Variants in GRIK3 observed in about 807,000 individuals in gnomAD.
GRIK3 encodes glutamate ionotropic receptor kainate type subunit 3, also known as glutamate receptor ionotropic, kainate 3.
A neutral mutation model predicts 102.5 loss-of-function variants in GRIK3; 29 were observed. The ratio of observed to expected loss-of-function variants is 0.28; its 90% CI spans 0.21 to 0.39. GRIK3 has a LOEUF of 0.39. Ranked by LOEUF, GRIK3 falls within the 10% of genes least tolerant of loss-of-function variation. The pLI is 1.00. For missense variants in GRIK3, 908 were observed against 1,252.4 expected, an observed-to-expected ratio of 0.73 and a Z score of 4.15; for synonymous variants, 511 against 504.9, an observed-to-expected ratio of 1.01 and a Z score of -0.16.
At chr1:37,015,612 C>T (rs949152752) in intron 1 of GRIK3, among the ~76,000 whole-genome samples, 2 of 152,154 alleles carry the variant, frequency 1.3e-5, no homozygotes, top group Non-Finnish European at 2.9e-5. Context: ...ACACTCTTGC[C>T]ACAGGGGCCC....
chr1:37,004,742 G>A (rs1642513596), intron 1 of GRIK3, among the ~76,000 whole-genome samples: 1 of 152,232 alleles, frequency 6.6e-6, no homozygotes. Flanking sequence ...TAGGCAGGGT[G>A]ACAACAATGG....
chr1:36,969,899 A>G (rs951800317), intron 1 of GRIK3, among the ~76,000 whole-genome samples: 1 of 152,258 alleles, frequency 6.6e-6, no homozygotes, highest in African/African-American at 2.4e-5. Flanking sequence ...CAATTCAGCT[A>G]ATCGAAACTA....
chr1:36,973,214 G>C (rs1424243310), intron 1 of GRIK3, among the ~76,000 whole-genome samples: 1 of 152,084 alleles, frequency 6.6e-6, no homozygotes, highest in Non-Finnish European at 1.5e-5. Flanking sequence ...CCTGTTCCCT[G>C]CCTGCCTCCT....
At chr1:36,817,692 C>T (rs1471367830) in intron 12 of GRIK3, among the ~76,000 whole-genome samples, 1 of 152,172 alleles carries the variant, frequency 6.6e-6, no homozygotes, top group Non-Finnish European at 1.5e-5. Context: ...GGAGTCAGGA[C>T]CCTTGGGTTC....
chr1:37,023,637 T>C (rs1642737878), intron 1 of GRIK3, among the ~76,000 whole-genome samples: 1 of 152,226 alleles, frequency 6.6e-6, no homozygotes, highest in Admixed American at 6.5e-5. Context: ...AATGTGTTTA[T>C]GGCAGACCTG....
At chr1:36,804,872 G>C in intron 15 of GRIK3, 115 bp downstream of exon 15, 1 of 1,309,666 alleles carries the variant, frequency 7.6e-7, no homozygotes, top group Non-Finnish European at 1.1e-6. Context: ...TGGATGCAGG[G>C]TGAGCTGTTG....
At chr1:36,856,099 A>G (rs572005159) in intron 7 of GRIK3, among the ~76,000 whole-genome samples, 3 of 152,316 alleles carry the variant, frequency 2.0e-5, no homozygotes, top group African/African-American at 7.2e-5. Context: ...GCATCAGAGA[A>G]GGTAAAAGCC....
At chr1:36,979,216 G>C (rs565618526) in intron 1 of GRIK3, among the ~76,000 whole-genome samples, 1 of 152,206 alleles carries the variant, frequency 6.6e-6, no homozygotes, top group Non-Finnish European at 1.5e-5. Flanking sequence ...ACCAGCCCTC[G>C]CTACAACACA....
At chr1:36,913,129 G>A (rs866634135) in intron 1 of GRIK3, among the ~76,000 whole-genome samples, 59 of 152,274 alleles carry the variant, frequency 3.9e-4, no homozygotes, top group African/African-American at 1.3e-3. Context: ...GCATGAGTAG[G>A]CAGCTGCACA....
At chr1:36,816,284 C>A (rs1190683813) in intron 13 of GRIK3, among the ~76,000 whole-genome samples, 1 of 152,144 alleles carries the variant, frequency 6.6e-6, no homozygotes, top group Non-Finnish European at 1.5e-5. Flanking sequence ...TAAATGAGGC[C>A]CAGCATTTAG....
chr1:36,932,679 G>C (rs1330031559), intron 1 of GRIK3, among the ~76,000 whole-genome samples: 1 of 152,180 alleles, frequency 6.6e-6, no homozygotes. Flanking sequence ...CTGCCACTTG[G>C]AATCTGTCCA....
intron 1 of GRIK3, among the ~76,000 whole-genome samples, chr1:36,995,827 C>A (rs139180608): frequency 6.6e-6 from 1 of 152,176 alleles, no homozygotes; most frequent in African/African-American, 2.4e-5. Context: ...TGCATCCTTC[C>A]CAGACCTCAC....
chr1:36,908,883 CA>C (rs1641314789), intron 1 of GRIK3, among the ~76,000 whole-genome samples: 1 of 151,770 alleles, frequency 6.6e-6, no homozygotes, highest in South Asian at 2.1e-4. Flanking sequence ...ATATTTTCTT[CA>C]AACAAAACCT....
At chr1:36,911,570 C>T (rs575247615) in intron 1 of GRIK3, among the ~76,000 whole-genome samples, 1 of 152,006 alleles carries the variant, frequency 6.6e-6, no homozygotes, top group African/African-American at 2.4e-5. Flanking sequence ...CCTGGGGTCC[C>T]AGGGGGACTC....
At chr1:37,015,832 G>T (rs1024661353) in intron 1 of GRIK3, among the ~76,000 whole-genome samples, 1 of 152,258 alleles carries the variant, frequency 6.6e-6, no homozygotes, top group Non-Finnish European at 1.5e-5. Flanking sequence ...TGCTGGGTCT[G>T]TGTTGGAGAG....
chr1:36,882,297 A>G (rs1640989740), intron 2 of GRIK3, among the ~76,000 whole-genome samples: 1 of 152,142 alleles, frequency 6.6e-6, no homozygotes, highest in Non-Finnish European at 1.5e-5. Context: ...GAGGTCCAAA[A>G]ACTCAGGCAG....
At chr1:36,821,942 C>A (rs1002803456) in intron 11 of GRIK3, among the ~76,000 whole-genome samples, 1 of 152,214 alleles carries the variant, frequency 6.6e-6, no homozygotes, top group Non-Finnish European at 1.5e-5. Context: ...CCCAAAAAAT[C>A]CCCTATCATA....
intron 1 of GRIK3, among the ~76,000 whole-genome samples, chr1:37,032,323 C>T (rs1642836909): frequency 6.6e-6 from 1 of 152,106 alleles, no homozygotes; most frequent in South Asian, 2.1e-4. Flanking sequence ...CCATCCCACC[C>T]CTGTGGAAGA....
Position 37,034,080 on chromosome 1 carries a change from C to G in GRIK3, c.29G>C (p.Ser10Thr). The G allele has an allele frequency of 3.8e-6, 6 of 1,592,570 alleles. No individual in the cohort carries two copies. The highest frequency in any genetic ancestry group is 4.3e-6 in the Non-Finnish European group (5 of 1,170,956). ...CCCGGCCCAGTATTCCCAAACCAGA[C>G]TCCGGAGGCGCCGCCAGGGAGCGGT... The part of the protein sequence containing the change: MTAPWRRLR[S>T]LVWEYWAGLL... Residue 10 changes from serine (S) to threonine (T), a missense_variant, in exon 1 of 16, where the codon AGT becomes ACT. By Grantham distance (58) the Ser-to-Thr change is moderately conservative (BLOSUM62 1). This residue lies in a region of GRIK3 where 585 missense variants were observed against 824.9 expected (regional missense o/e 0.71). Transcript: ENST00000373091.
Sources: allele counts gnomAD v4.1 joint callset (sites outside exome capture counted in the v4.1 genomes callset), GRCh38; gene constraint gnomAD v4.1.1; regional missense constraint gnomAD v4.1.1; transcripts MANE v1.5; gene names NCBI Gene and HGNC (gene_info 2026-07-23, HGNC 2026-07-21).